Variants in AKAP10 observed in about 807,000 individuals in gnomAD.
The protein encoded by AKAP10 is A-kinase anchor protein 10, mitochondrial.
In AKAP10, 24 loss-of-function variants were observed where a neutral mutation model predicts 80.8. The observed-to-expected ratio is 0.30, with a 90% CI of 0.22 to 0.42. The LOEUF is 0.42. Ranked by LOEUF, AKAP10 falls within the 10% of genes least tolerant of loss-of-function variation. The pLI, the probability that AKAP10 is intolerant of heterozygous loss-of-function variation, is 1.00. For synonymous variants in AKAP10, 291 were observed against 277.7 expected, an observed-to-expected ratio of 1.05 and a Z score of -0.48; for missense variants, 661 against 794.9, an observed-to-expected ratio of 0.83 and a Z score of 2.03.
chr17:19,958,621 G>T, intron 3 of AKAP10, 50 bp from the exon 4 acceptor site: 1 of 1,482,722 alleles, frequency 6.7e-7, no homozygotes, highest in South Asian at 1.3e-5. Flanking sequence ...AATAATTTCA[G>T]ATTGACAGAT....
chr17:19,936,577 G>T (rs904256019), intron 8 of AKAP10, 147 bp from the exon 9 acceptor site: 1 of 779,128 alleles, frequency 1.3e-6, no homozygotes, highest in Non-Finnish European at 1.9e-6. Context: ...CAGTGCTGAT[G>T]TAACCTTTCT....
At chr17:19,954,655 T>A (rs2043253340) in intron 4 of AKAP10, among the ~76,000 whole-genome samples, 2 of 151,094 alleles carry the variant, frequency 1.3e-5, no homozygotes, top group Non-Finnish European at 1.5e-5. Flanking sequence ...CGGCTAATTT[T>A]TTTTTTTTTT....
chr17:19,958,972 C>A (rs1456032342), intron 3 of AKAP10, among the ~76,000 whole-genome samples: 1 of 151,180 alleles, frequency 6.6e-6, no homozygotes, highest in African/African-American at 2.4e-5. Context: ...CTTGACTCAG[C>A]CTCCTAAGTA....
At chr17:19,960,114 C>T (rs1208975007) in intron 3 of AKAP10, among the ~76,000 whole-genome samples, 2 of 152,146 alleles carry the variant, frequency 1.3e-5, no homozygotes, top group African/African-American at 4.8e-5. Flanking sequence ...ATCCCTTGTA[C>T]ACTTTAGTTT....
intron 8 of AKAP10, among the ~76,000 whole-genome samples, chr17:19,937,203 T>A (rs1407371424): frequency 6.6e-6 from 1 of 152,104 alleles, no homozygotes; most frequent in Non-Finnish European, 1.5e-5. Flanking sequence ...TGCATATATA[T>A]GATACAAAAA....
At chr17:19,946,579 T>C (rs1292151387) in intron 5 of AKAP10, among the ~76,000 whole-genome samples, 1 of 151,028 alleles carries the variant, frequency 6.6e-6, no homozygotes, top group Non-Finnish European at 1.5e-5. Flanking sequence ...GTTTAATAAA[T>C]GTGTACTATT....
intron 10 of AKAP10, among the ~76,000 whole-genome samples, chr17:19,928,917 A>G (rs541571441): frequency 6.6e-6 from 1 of 152,318 alleles, no homozygotes; most frequent in East Asian, 1.9e-4. Context: ...AAACTTGTAC[A>G]CAAATGGTCA....
intron 5 of AKAP10, among the ~76,000 whole-genome samples, chr17:19,945,439 T>G (rs1187807817): frequency 6.6e-6 from 1 of 152,146 alleles, no homozygotes; most frequent in African/African-American, 2.4e-5. Context: ...ATGATGATAG[T>G]AGCAAATTCC....
intron 4 of AKAP10, among the ~76,000 whole-genome samples, chr17:19,955,017 T>C (rs2043257910): frequency 6.6e-6 from 1 of 151,862 alleles, no homozygotes; most frequent in Non-Finnish European, 1.5e-5. Flanking sequence ...GTCAAGAGTT[T>C]GAGACCAGCC....
At chr17:19,957,883 C>T (rs1015257410) in intron 4 of AKAP10, 131 bp downstream of exon 4, 2 of 985,188 alleles carry the variant, frequency 2.0e-6, no homozygotes, top group Non-Finnish European at 2.9e-6. Context: ...TCCAAATTCT[C>T]CCAAATTTAC....
intron 8 of AKAP10, among the ~76,000 whole-genome samples, chr17:19,937,157 A>T (rs951877018): frequency 5.3e-5 from 8 of 152,208 alleles, no homozygotes; most frequent in Non-Finnish European, 1.0e-4. Context: ...ATGTCCTGAC[A>T]GAAATACAAA....
chr17:19,910,871 G>T (rs1220160782), intron 12 of AKAP10, among the ~76,000 whole-genome samples: 1 of 152,142 alleles, frequency 6.6e-6, no homozygotes, highest in Non-Finnish European at 1.5e-5. Flanking sequence ...GGATGTATAA[G>T]CCCACATCTG....
chr17:19,930,591 T>A (rs2042921481), intron 10 of AKAP10, among the ~76,000 whole-genome samples: 1 of 151,690 alleles, frequency 6.6e-6, no homozygotes, highest in African/African-American at 2.4e-5. Context: ...GAGACTACCC[T>A]GGCCAACATA....
chr17:19,971,475 C>T (rs2043497088), intron 1 of AKAP10, among the ~76,000 whole-genome samples: 1 of 150,328 alleles, frequency 6.7e-6, no homozygotes, highest in African/African-American at 2.5e-5. Flanking sequence ...CGCCACTGCA[C>T]TCCAGCCTGG....
At chr17:19,955,845 C>A (rs1280769423) in intron 4 of AKAP10, among the ~76,000 whole-genome samples, 1 of 151,428 alleles carries the variant, frequency 6.6e-6, no homozygotes, top group Non-Finnish European at 1.5e-5. Flanking sequence ...AAAAAAAAAA[C>A]AATTACAGAA....
chr17:19,963,828 G>A (rs1395823425), intron 2 of AKAP10, among the ~76,000 whole-genome samples: 4 of 151,532 alleles, frequency 2.6e-5, no homozygotes, highest in African/African-American at 9.7e-5. Flanking sequence ...TCTGGGAGGC[G>A]AAGGTTGCAG....
chr17:19,947,274 C>T, intron 5 of AKAP10, 133 bp downstream of exon 5: 1 of 707,490 alleles, frequency 1.4e-6, no homozygotes. Context: ...ATAAAAAATA[C>T]TCAGAAAACA....
At chr17:19,917,345 C>T (rs2042756343) in intron 12 of AKAP10, among the ~76,000 whole-genome samples, 1 of 152,104 alleles carries the variant, frequency 6.6e-6, no homozygotes, top group Non-Finnish European at 1.5e-5. Flanking sequence ...ACCCCATTAT[C>T]CTTATGGACA....
chr17:19,912,396 G>T (rs2042700559), intron 12 of AKAP10, among the ~76,000 whole-genome samples: 1 of 152,148 alleles, frequency 6.6e-6, no homozygotes, highest in Non-Finnish European at 1.5e-5. Flanking sequence ...AATGAACTAG[G>T]GATGGTGGCA....
Sources: allele counts gnomAD v4.1 joint callset (sites outside exome capture counted in the v4.1 genomes callset), GRCh38; gene constraint gnomAD v4.1.1; transcripts MANE v1.5; gene names NCBI Gene and HGNC (gene_info 2026-07-23, HGNC 2026-07-21).